NBEA: variants seen among roughly 807,000 people sequenced by gnomAD.
NBEA encodes lysosomal-trafficking regulator 2.
NBEA carries 44 observed loss-of-function variants against 343.4 expected under a neutral mutation model. That is an observed-to-expected ratio of 0.13 (90% CI 0.10 to 0.16). The LOEUF (loss-of-function observed/expected upper bound fraction) is 0.16, where lower values mean the gene tolerates loss of function less well. NBEA is among the 10% of genes least tolerant of loss of function. The pLI, the probability that NBEA is intolerant of heterozygous loss-of-function variation, is 1.00. For synonymous variants in NBEA, 1,175 were observed against 1,238.7 expected (o/e 0.95, Z 1.08); for missense variants, 2,555 against 3,631.3 (o/e 0.70, Z 7.62).
At position 35,079,034 on chromosome 13, in the gene NBEA, C is replaced by CA. The variant is rs1210222427; in HGVS notation, c.1571+8188dup. 4.0e-5 allele frequency among the ~76,000 whole-genome samples: 6 copies of CA among 151,842 alleles called. No homozygotes were observed. The East Asian group carries it at 5.8e-4, about 15-fold the overall frequency. Reference sequence around the variant, plus strand: ...AGATTGTGTCTTTAAAAACAAAAAACAAAAAACAAAACCTACTAGGAGGAA... The same window carrying CA: ...AGATTGTGTCTTTAAAAACAAAAAACAAAAAAACAAAACCTACTAGGAGGAA... On this transcript the variant is annotated intron_variant, in intron 10 of 58. Transcript: ENST00000379939.
At chr13:35,344,365 G>GA (rs1273602298) in intron 36 of NBEA, among the ~76,000 whole-genome samples, 11 of 151,786 alleles carry the variant, frequency 7.2e-5, no homozygotes, top group Admixed American at 7.2e-4. Context: ...TCCAAGTTAG[G>GA]AAAATAACAG....
At chr13:35,437,333 G>A (rs563918397) in intron 39 of NBEA, among the ~76,000 whole-genome samples, 39 of 152,144 alleles carry the variant, frequency 2.6e-4, no homozygotes, top group African/African-American at 9.4e-4. Context: ...TAATTTCAAG[G>A]AAATAAAGGA....
chr13:35,371,976 A>G (rs2041458594), intron 38 of NBEA, among the ~76,000 whole-genome samples: 1 of 152,146 alleles, frequency 6.6e-6, no homozygotes, highest in African/African-American at 2.4e-5. Flanking sequence ...CAGGTGGGCC[A>G]GTCCTTTGGG....
At chr13:35,182,593 A>G (rs1566422116) in intron 29 of NBEA, 65 bp downstream of exon 29, 41 of 1,435,188 alleles carry the variant, frequency 2.9e-5, no homozygotes, top group Non-Finnish European at 3.6e-5. Flanking sequence ...TCACCTTTAC[A>G]TCTAGATTTA....
chr13:34,949,733 G>C (rs1011231203), intron 1 of NBEA, among the ~76,000 whole-genome samples: 10 of 152,072 alleles, frequency 6.6e-5, no homozygotes, highest in African/African-American at 2.4e-4. Flanking sequence ...TTAATTAGAA[G>C]TTATAGTTAA....
intron 46 of NBEA, among the ~76,000 whole-genome samples, chr13:35,590,962 G>A (rs542111516): frequency 1.4e-4 from 21 of 152,184 alleles, no homozygotes; most frequent in African/African-American, 4.6e-4. Context: ...TGGGGCTGGG[G>A]ATAGAGAGAT....
chr13:35,141,514 C>G (rs1006436989), intron 17 of NBEA, among the ~76,000 whole-genome samples: 1 of 152,176 alleles, frequency 6.6e-6, no homozygotes, highest in Non-Finnish European at 1.5e-5. Context: ...ATCCACCCAC[C>G]TCAGCCTCTG....
chr13:35,276,602 A>T (rs999919821), intron 34 of NBEA, among the ~76,000 whole-genome samples: 5 of 152,204 alleles, frequency 3.3e-5, no homozygotes. Context: ...GGCTTTTATT[A>T]TTATACTCTC....
At chr13:35,015,487 CAG>C (rs1243186894) in intron 1 of NBEA, among the ~76,000 whole-genome samples, 2 of 151,922 alleles carry the variant, frequency 1.3e-5, no homozygotes, top group African/African-American at 4.8e-5. Flanking sequence ...AGCTAACAAA[CAG>C]TATATACAAC....
In NBEA at chr13:35,157,247, A is replaced by G; in HGVS notation, c.2821A>G (p.Thr941Ala). The G allele has an allele frequency of 6.3e-7, 1 of 1,594,074 alleles. No individual in the cohort carries two copies. The highest frequency in any genetic ancestry group is 1.7e-5 in the Admixed American group (1 of 57,636). ...GGGAGGCTGGAGAGTCTGGGTGGAT[A>G]CCCTCTCAATAGCCCATTCCAAGGT... ...EWGGWRVWVDTLSIAHSKVTY... is the reference protein window; with the variant it reads ...EWGGWRVWVDALSIAHSKVTY... The change falls in exon 21 of 59, where the codon ACC becomes GCC. Residue 941 changes from threonine (T) to alanine (A), a missense_variant. This residue lies in a region of NBEA where 6 missense variants were observed against 32.7 expected (regional missense o/e 0.18). Transcript: ENST00000379939.
intron 38 of NBEA, among the ~76,000 whole-genome samples, chr13:35,405,389 C>T (rs567650360): frequency 6.6e-6 from 1 of 152,264 alleles, no homozygotes; most frequent in South Asian, 2.1e-4. Flanking sequence ...GCTACTGCTG[C>T]TTTCTTATAT....
At chr13:35,593,930 A>G (rs1196906848) in intron 47 of NBEA, among the ~76,000 whole-genome samples, 1 of 152,124 alleles carries the variant, frequency 6.6e-6, no homozygotes, top group African/African-American at 2.4e-5. Flanking sequence ...GCCTGGGGAT[A>G]CTATGCAACA....
At chr13:35,009,473 A>G (rs1593448659) in intron 1 of NBEA, among the ~76,000 whole-genome samples, 1 of 152,174 alleles carries the variant, frequency 6.6e-6, no homozygotes, top group East Asian at 1.9e-4. Context: ...AGTCAGAGGG[A>G]ACAGAAAGTA....
intron 36 of NBEA, among the ~76,000 whole-genome samples, chr13:35,330,986 A>T (rs1175105863): frequency 1.3e-5 from 2 of 152,032 alleles, no homozygotes; most frequent in Non-Finnish European, 2.9e-5. Flanking sequence ...TAGTAGCATA[A>T]TTCATAGCTA....
chr13:35,155,950 G>A, intron 19 of NBEA, 95 bp downstream of exon 19: 1 of 1,479,184 alleles, frequency 6.8e-7, no homozygotes, highest in African/African-American at 1.4e-5. Flanking sequence ...AATCATTATG[G>A]TGTTTACCTA....
At chr13:35,506,667 A>G (rs2077083589) in intron 41 of NBEA, among the ~76,000 whole-genome samples, 1 of 152,178 alleles carries the variant, frequency 6.6e-6, no homozygotes, top group South Asian at 2.1e-4. Context: ...TTTGAGTTAG[A>G]ATTTGTGATA....
chr13:35,610,328 A>G (rs1375701575), intron 48 of NBEA, among the ~76,000 whole-genome samples: 1 of 152,090 alleles, frequency 6.6e-6, no homozygotes, highest in Middle Eastern at 3.2e-3. Flanking sequence ...AGGAGGTCGA[A>G]GCTGCAATGA....
chr13:34,989,779 T>A (rs1411881866), intron 1 of NBEA, among the ~76,000 whole-genome samples: 1 of 150,722 alleles, frequency 6.6e-6, no homozygotes, highest in African/African-American at 2.4e-5. Context: ...AAGTCCAAAG[T>A]TTCATCTGGG....
chr13:35,667,686 G>C, intron 57 of NBEA, 116 bp downstream of exon 57: 1 of 1,022,296 alleles, frequency 9.8e-7, no homozygotes, highest in Admixed American at 2.4e-5. Context: ...ATGTGTTCTA[G>C]ATTAAAAGTA....
Sources: allele counts gnomAD v4.1 joint callset (sites outside exome capture counted in the v4.1 genomes callset), GRCh38; gene constraint gnomAD v4.1.1; regional missense constraint gnomAD v4.1.1; transcripts MANE v1.5; gene names NCBI Gene and HGNC (gene_info 2026-07-23, HGNC 2026-07-21).